Variants in CHD1 observed in about 807,000 individuals in gnomAD.
CHD1 encodes the protein chromodomain helicase DNA binding protein 1.
Under a neutral mutation model 224.2 loss-of-function variants are expected in CHD1, and 36 were observed. The observed-to-expected ratio is 0.16, with a 90% CI of 0.12 to 0.21. The LOEUF (loss-of-function observed/expected upper bound fraction) is 0.21. Among genes scored for constraint, CHD1 ranks in the 10% least tolerant of loss-of-function variants. The pLI is 1.00. For synonymous variants in CHD1, 668 were observed against 658.3 expected, an observed-to-expected ratio of 1.01 and a Z score of -0.23; for missense variants, 1,378 against 1,994.8, an observed-to-expected ratio of 0.69 and a Z score of 5.89.
intron 2 of CHD1, among the ~76,000 whole-genome samples, chr5:98,906,832 T>C (rs898955904): frequency 6.6e-6 from 1 of 152,204 alleles, no homozygotes; most frequent in Admixed American, 6.5e-5. Flanking sequence ...CCTCTGAAGA[T>C]CTTGAAAGTA....
chr5:98,908,786 A>G (rs1167014132), intron 2 of CHD1, among the ~76,000 whole-genome samples: 1 of 134,024 alleles, frequency 7.5e-6, no homozygotes. Context: ...CTTAATTCAG[A>G]TAATACACCC....
intron 11 of CHD1, 32 bp downstream of exon 11, chr5:98,897,161 C>T: frequency 6.3e-7 from 1 of 1,596,532 alleles, no homozygotes. Context: ...CTTACTCTGT[C>T]AAATTAAATA....
chr5:98,928,348 C>A (rs929054197), intron 1 of CHD1, among the ~76,000 whole-genome samples, 191 bp downstream of exon 1: 6 of 152,092 alleles, frequency 3.9e-5, no homozygotes, highest in African/African-American at 4.8e-5. Flanking sequence ...TTCTGCGGCC[C>A]CGGCCTGTAC....
In CHD1 at chr5:98,856,362, A is replaced by G. The variant is rs774285846; in HGVS notation, c.*18T>C. 1 of 1,584,236 alleles carries G rather than the reference A, an allele frequency of 6.3e-7. No homozygotes were observed. The highest frequency in any genetic ancestry group is 1.1e-5 in the South Asian group (1 of 90,206). Reference sequence around the variant, plus strand: ...ATGGCTAAAAGAAAAGTCCAGAAAGACGAAGTATCAGTTTTTGTTATGTTT... The same window carrying G: ...ATGGCTAAAAGAAAAGTCCAGAAAGGCGAAGTATCAGTTTTTGTTATGTTT... On this transcript the variant is annotated 3_prime_UTR_variant, in exon 36 of 36. Transcript: ENST00000614616.
intron 12 of CHD1, 57 bp from the exon 13 acceptor site, chr5:98,894,743 T>C: frequency 1.4e-6 from 1 of 700,204 alleles, no homozygotes. Context: ...ATTATACTTT[T>C]ACTTACATAT....
At chr5:98,882,841 A>C in intron 19 of CHD1, among the ~76,000 whole-genome samples, 1 of 152,194 alleles carries the variant, frequency 6.6e-6, no homozygotes, top group Non-Finnish European at 1.5e-5. Context: ...AAAACACTGC[A>C]TTTTATAGTT....
intron 22 of CHD1, 121 bp from the exon 23 acceptor site, chr5:98,879,849 A>C: frequency 1.7e-6 from 1 of 605,228 alleles, no homozygotes; most frequent in Non-Finnish European, 2.8e-6. Context: ...GACTAAACCA[A>C]ATATAACTTC....
chr5:98,859,753 C>A (rs1275197502), intron 33 of CHD1, among the ~76,000 whole-genome samples: 1 of 152,082 alleles, frequency 6.6e-6, no homozygotes, highest in Non-Finnish European at 1.5e-5. Flanking sequence ...AACTAATAAA[C>A]ATTTCAGAGG....
In CHD1 at chr5:98,856,369, A is replaced by T. The variant is rs1046169194; in HGVS notation, c.*11T>A. ...AAAGAAAAGTCCAGAAAGACGAAGT[A>T]TCAGTTTTTGTTATGTTTTCCGACT... is the stretch of plus-strand genomic sequence containing the variant. On this transcript the variant is annotated 3_prime_UTR_variant, in exon 36 of 36. Coordinates refer to ENST00000614616, the MANE Select transcript of CHD1 (RefSeq NM_001270.4). 6.3e-6 allele frequency: 10 copies of T among 1,593,596 alleles called. No homozygotes were observed. Among genetic ancestry groups the T allele is most frequent in the Non-Finnish European group, 8.6e-6 (10 of 1,163,118 alleles).
intron 22 of CHD1, 26 bp from the exon 23 acceptor site, chr5:98,879,754 T>C (rs766624433): frequency 4.8e-5 from 72 of 1,504,376 alleles, no homozygotes; most frequent in Middle Eastern, 2.3e-4. Context: ...ATTTTAAGAG[T>C]AACTGTTACA....
At chr5:98,875,492 TC>T (rs1452751337) in intron 24 of CHD1, among the ~76,000 whole-genome samples, 1 of 152,152 alleles carries the variant, frequency 6.6e-6, no homozygotes, top group Non-Finnish European at 1.5e-5. Context: ...TGATAAAAAT[TC>T]ACTGAATAGC....
chr5:98,926,276 A>C (rs1383564429), intron 2 of CHD1, 58 bp downstream of exon 2: 6 of 1,068,652 alleles, frequency 5.6e-6, no homozygotes, highest in Non-Finnish European at 6.8e-6. Flanking sequence ...AATAAAGAAA[A>C]AAGTCAAGTT....
intron 2 of CHD1, among the ~76,000 whole-genome samples, chr5:98,917,559 T>C (rs929685983): frequency 1.9e-4 from 29 of 152,310 alleles, no homozygotes; most frequent in African/African-American, 5.5e-4. Context: ...AAACAAACAC[T>C]TGTATTTCTG....
At position 98,907,404 on chromosome 5, in the gene CHD1, C is replaced by A. The variant is rs1580489559; in HGVS notation, c.54-2306G>T. 2.6e-5 allele frequency among the ~76,000 whole-genome samples: 4 copies of A among 152,152 alleles called. No individual in the cohort carries two copies. The South Asian group carries it at 8.3e-4, about 32-fold the overall frequency. On this transcript the variant is annotated intron_variant, in intron 2 of 35. Coordinates refer to ENST00000614616, the MANE Select transcript of CHD1 (RefSeq NM_001270.4). ...GGGAGTTCGAGACCAGTCTGACCAA[C>A]ATGGAGAAACCTCGACTCTACTGAA...
At position 98,892,315 on chromosome 5, in the gene CHD1, A is replaced by T. The variant is rs1462752837; in HGVS notation, c.2180+210T>A. On this transcript the variant is annotated intron_variant, in intron 15 of 35. Coordinates refer to ENST00000614616, the MANE Select transcript of CHD1 (RefSeq NM_001270.4). Reference sequence around the variant, plus strand: ...GCAATTAATTATGTGTCAGAAGATGAATTACTCAGTGTTGTCACTCATAAT... The same window carrying T: ...GCAATTAATTATGTGTCAGAAGATGTATTACTCAGTGTTGTCACTCATAAT... Among the ~76,000 whole-genome samples the T allele has an allele frequency of 3.3e-5, 5 of 152,322 alleles. No homozygotes were observed. In the East Asian group the frequency reaches 9.6e-4, roughly 29 times the overall value.
chr5:98,897,339 T>G lies in CHD1; in HGVS notation c.1366-19A>C, dbSNP rs760857609. 6 of 1,523,250 alleles carry G rather than the reference T, an allele frequency of 3.9e-6. No homozygotes were observed. In the Admixed American group the frequency reaches 5.8e-5, roughly 15 times the overall value. 94.4% of individuals were successfully genotyped at this position (1,523,250 alleles called of 1,614,324 possible). On this transcript the variant is annotated intron_variant, in intron 10 of 35. Transcript: ENST00000614616. ...TTAATACCTTTAGTAGAAATAAACA[T>G]TATTATGTAGAGTTATTAAATATAA...
chr5:98,908,499 T>C (rs1404095403), intron 2 of CHD1, among the ~76,000 whole-genome samples: 1 of 152,148 alleles, frequency 6.6e-6, no homozygotes, highest in Admixed American at 6.5e-5. Flanking sequence ...ATGTCAAGCA[T>C]TAAATGAAGA....
At chr5:98,910,208 T>C (rs36011435) in intron 2 of CHD1, among the ~76,000 whole-genome samples, 10,632 of 152,216 alleles carry the variant, frequency 0.07, 401 homozygotes, top group African/African-American at 0.1. Flanking sequence ...CATTGTATGT[T>C]CATGTCATCA....
At chr5:98,861,029 A>C (rs979485780) in intron 32 of CHD1, among the ~76,000 whole-genome samples, 4 of 152,178 alleles carry the variant, frequency 2.6e-5, no homozygotes, top group African/African-American at 9.7e-5. Context: ...CAAAAAATCT[A>C]GTCAGGAATC....
Sources: gnomAD v4.1 joint callset for allele counts (sites outside exome capture counted in the v4.1 genomes callset) on GRCh38, gnomAD v4.1.1 for gene constraint, MANE v1.5 for transcripts, NCBI Gene and HGNC (gene_info 2026-07-23, HGNC 2026-07-21) for gene names.